Variants in CTNNA2 observed in about 807,000 individuals in gnomAD.
The protein encoded by CTNNA2 is catenin alpha 2.
CTNNA2 carries 42 observed loss-of-function variants against 101.0 expected under a neutral mutation model. The ratio of observed to expected loss-of-function variants is 0.42; its 90% CI spans 0.32 to 0.54. The LOEUF is 0.54. CTNNA2 is among the 20% of genes least tolerant of loss of function. The pLI, the probability that CTNNA2 is intolerant of heterozygous loss-of-function variation, is 0.14. For missense variants in CTNNA2, 871 were observed against 1,223.1 expected (o/e 0.71, Z 4.29); for synonymous variants, 450 against 456.4 (o/e 0.99, Z 0.18).
intron 4 of CTNNA2, among the ~76,000 whole-genome samples, chr2:79,469,414 G>T (rs1389512412): frequency 6.6e-6 from 1 of 152,066 alleles, no homozygotes; most frequent in African/African-American, 2.4e-5. Flanking sequence ...AAAGGTCCAG[G>T]ACCAGACGGA....
intron 12 of CTNNA2, among the ~76,000 whole-genome samples, chr2:80,559,432 C>T (rs942915827): frequency 6.6e-6 from 1 of 152,150 alleles, no homozygotes; most frequent in Non-Finnish European, 1.5e-5. Context: ...CGCTGAGTGG[C>T]TGGAAAATTG....
chr2:80,479,201 C>T (rs1237958386), intron 9 of CTNNA2, among the ~76,000 whole-genome samples: 1 of 151,864 alleles, frequency 6.6e-6, no homozygotes, highest in African/African-American at 2.4e-5. Context: ...TTATTATAAC[C>T]AACTCTTAGA....
chr2:80,645,998 A>G (rs77785470), intron 18 of CTNNA2, among the ~76,000 whole-genome samples: 138 of 152,300 alleles, frequency 9.1e-4, no homozygotes, highest in African/African-American at 3.1e-3. Flanking sequence ...CGCAACATTA[A>G]TTTAGCTTAA....
At chr2:80,424,717 C>A (rs1044310935) in intron 9 of CTNNA2, among the ~76,000 whole-genome samples, 3 of 152,160 alleles carry the variant, frequency 2.0e-5, no homozygotes, top group Admixed American at 2.0e-4. Flanking sequence ...GATGTGTCAC[C>A]TTATTTGTGA....
intron 2 of CTNNA2, among the ~76,000 whole-genome samples, chr2:79,254,499 C>T (rs879586808): frequency 1.3e-5 from 2 of 152,206 alleles, no homozygotes; most frequent in Non-Finnish European, 2.9e-5. Context: ...ATGTGAAGGG[C>T]TGGCTCCTGC....
At chr2:79,674,576 A>T (rs1413124133) in intron 2 of CTNNA2, among the ~76,000 whole-genome samples, 3 of 152,212 alleles carry the variant, frequency 2.0e-5, no homozygotes, top group Admixed American at 6.5e-5. Flanking sequence ...ACTTAGTTAA[A>T]TAGGGAACTT....
intron 6 of CTNNA2, among the ~76,000 whole-genome samples, chr2:79,888,157 C>G (rs889008576): frequency 6.6e-6 from 1 of 152,114 alleles, no homozygotes; most frequent in Non-Finnish European, 1.5e-5. Flanking sequence ...CCATCCCTAC[C>G]TCTGGGATGG....
intron 2 of CTNNA2, among the ~76,000 whole-genome samples, chr2:79,239,943 T>C (rs1395056286): frequency 6.6e-6 from 1 of 151,448 alleles, no homozygotes; most frequent in Non-Finnish European, 1.5e-5. Flanking sequence ...TTTCTTTTTT[T>C]TTTTTTGAGA....
rs186170437 is a variant in CTNNA2 at position 80,140,697 on chromosome 2, A to T, written c.1056+230900A>T. ...TCTCATGCCATCCAACACAAGGAAAACACATCCACCTCCCTTTTAACAGGG... is the reference window on the plus strand; with the variant it reads ...TCTCATGCCATCCAACACAAGGAAATCACATCCACCTCCCTTTTAACAGGG... On this transcript the variant is annotated intron_variant, in intron 7 of 18. Transcript: ENST00000402739. Among the ~76,000 whole-genome samples, 431 of 152,328 alleles carry T rather than the reference A, an allele frequency of 2.8e-3. 2 individuals are homozygous for T. Among genetic ancestry groups the T allele is most frequent in the Non-Finnish European group, 4.2e-3 (283 of 68,028 alleles).
rs200844323 is a variant in CTNNA2 at position 79,909,779 on chromosome 2, C to T, written c.1038C>T (p.Leu346=). The T allele has an allele frequency of 7.5e-6, 12 of 1,608,460 alleles. No homozygotes were observed. The African/African-American group carries it at 1.3e-4, about 18-fold the overall frequency. ...NAVRQALQDL[L]SEYMNNTGRK... ...TGCGGCAGGCGCTCCAGGACCTGCT[C>T]AGCGAGTACATGAATAATGTAAGTC... Residue 346 remains leucine (L), a synonymous_variant, in exon 7 of 19, where the codon CTC becomes CTT. Transcript: ENST00000402739.
intron 4 of CTNNA2, among the ~76,000 whole-genome samples, chr2:79,868,173 A>G (rs1253797188): frequency 6.6e-6 from 1 of 152,164 alleles, no homozygotes; most frequent in Non-Finnish European, 1.5e-5. Flanking sequence ...AATGACTAAC[A>G]TTGAGGATTT....
chr2:80,031,783 T>A (rs1370169114), intron 7 of CTNNA2, among the ~76,000 whole-genome samples: 1 of 152,360 alleles, frequency 6.6e-6, no homozygotes, highest in East Asian at 1.9e-4. Flanking sequence ...CATTTTAAAA[T>A]CTGTTTAGGA....
At chr2:80,597,012 T>C (rs1223798031) in intron 15 of CTNNA2, among the ~76,000 whole-genome samples, 1 of 152,324 alleles carries the variant, frequency 6.6e-6, no homozygotes, top group East Asian at 1.9e-4. Flanking sequence ...ATTACATTTA[T>C]TGATTTGCCT....
chr2:80,556,327 T>C (rs907517688), intron 12 of CTNNA2, among the ~76,000 whole-genome samples: 3 of 152,192 alleles, frequency 2.0e-5, no homozygotes, highest in African/African-American at 7.2e-5. Context: ...ATTTATTGCT[T>C]GAGAGGATAG....
At chr2:79,314,653 T>G (rs1676456513) in intron 3 of CTNNA2, among the ~76,000 whole-genome samples, 1 of 152,174 alleles carries the variant, frequency 6.6e-6, no homozygotes, top group Non-Finnish European at 1.5e-5. Flanking sequence ...ATTGACCAAT[T>G]TTCATTTTAA....
At chr2:80,393,395 T>C (rs560911655) in intron 8 of CTNNA2, 104 bp downstream of exon 8, 11 of 808,782 alleles carry the variant, frequency 1.4e-5, no homozygotes, top group South Asian at 3.6e-5. Context: ...AGGTTGTTAT[T>C]CTTTATAACA....
chr2:79,310,659 C>T (rs867606168), intron 2 of CTNNA2, among the ~76,000 whole-genome samples: 2 of 152,042 alleles, frequency 1.3e-5, no homozygotes, highest in African/African-American at 2.4e-5. Flanking sequence ...TTTTTTCTCT[C>T]GTTAAAGATA....
intron 7 of CTNNA2, among the ~76,000 whole-genome samples, chr2:79,993,959 A>G (rs1274072799): frequency 6.6e-6 from 1 of 152,178 alleles, no homozygotes; most frequent in Non-Finnish European, 1.5e-5. Context: ...GCTGGAATGC[A>G]GTGACACTAT....
chr2:80,069,031 A>G (rs1331610868), intron 7 of CTNNA2, among the ~76,000 whole-genome samples: 1 of 152,232 alleles, frequency 6.6e-6, no homozygotes, highest in African/African-American at 2.4e-5. Flanking sequence ...ATTATATAGG[A>G]GGCCAAAATG....
Sources: gnomAD v4.1 joint callset for allele counts (sites outside exome capture counted in the v4.1 genomes callset) on GRCh38, gnomAD v4.1.1 for gene constraint, MANE v1.5 for transcripts, NCBI Gene and HGNC (gene_info 2026-07-23, HGNC 2026-07-21) for gene names.